RPH3A: variants seen among roughly 807,000 people sequenced by gnomAD.
The protein encoded by RPH3A is rabphilin-3A.
Under a neutral mutation model 102.2 loss-of-function variants are expected in RPH3A, and 48 were observed. The observed-to-expected ratio is 0.47, with a 90% CI of 0.37 to 0.60. RPH3A has a LOEUF of 0.60. Ranked by LOEUF, RPH3A falls within the 20% of genes least tolerant of loss-of-function variation. RPH3A has a pLI of 0.00. For synonymous variants in RPH3A, 310 were observed against 324.3 expected (o/e 0.96, Z 0.47); for missense variants, 781 against 910.1 (o/e 0.86, Z 1.83).
chr12:112,861,367 G>T (rs1156584312), intron 5 of RPH3A, among the ~76,000 whole-genome samples: 1 of 152,204 alleles, frequency 6.6e-6, no homozygotes, highest in African/African-American at 2.4e-5. Flanking sequence ...GCAGTGAGAG[G>T]TAGATGGGCT....
intron 2 of RPH3A, among the ~76,000 whole-genome samples, chr12:112,819,912 T>A (rs1449315975): frequency 6.6e-6 from 1 of 152,246 alleles, no homozygotes; most frequent in Non-Finnish European, 1.5e-5. Flanking sequence ...AGCCTCTGAA[T>A]GCATCACATC....
intron 1 of RPH3A, among the ~76,000 whole-genome samples, chr12:112,708,565 G>C (rs544604866): frequency 1.3e-5 from 2 of 152,200 alleles, no homozygotes; most frequent in Admixed American, 6.5e-5. Context: ...GAGCAAAGCA[G>C]TGGGGTTGTG....
At chr12:112,712,097 A>G (rs1443236530) in intron 1 of RPH3A, among the ~76,000 whole-genome samples, 1 of 152,060 alleles carries the variant, frequency 6.6e-6, no homozygotes, top group African/African-American at 2.4e-5. Context: ...CTCCCAAAGT[A>G]CTGGGATTTC....
At chr12:112,791,502 T>TGCC (rs1395992691), upstream of RPH3A, 4 of 151,828 alleles carry the variant, frequency 2.6e-5, no homozygotes, top group Non-Finnish European at 5.9e-5. Flanking sequence ...TTAACTTCTC[T>TGCC]GCCTAGGGGT....
chr12:112,713,023 C>CTCTTCCTCTTCCTCTTCCTCTTCTTCT (rs1473414104), intron 1 of RPH3A, among the ~76,000 whole-genome samples: 2 of 52,816 alleles, frequency 3.8e-5, no homozygotes, highest in African/African-American at 1.1e-4. Flanking sequence ...CTTCCTCTTC[C>CTCTTCCTCTTCCTCTTCCTCTTCTTCT]TCTTCTTCTT....
At chr12:112,875,571 C>G in intron 11 of RPH3A, 108 bp from the exon 12 acceptor site, 1 of 918,022 alleles carries the variant, frequency 1.1e-6, no homozygotes, top group Non-Finnish European at 1.7e-6. Flanking sequence ...GGGTACCTTT[C>G]TGCCTTCGGG....
chr12:112,790,000 A>G (rs185891424), upstream of RPH3A, among the ~76,000 whole-genome samples: 485 of 151,580 alleles, frequency 3.2e-3, 2 homozygotes, highest in African/African-American at 0.01. Flanking sequence ...TCAAGGTTTC[A>G]GTGAGCTATG....
At chr12:112,589,486 G>A (rs1157481794) in intron 1 of RPH3A, among the ~76,000 whole-genome samples, 1 of 152,124 alleles carries the variant, frequency 6.6e-6, no homozygotes, top group Admixed American at 6.5e-5. Flanking sequence ...TGCACTGGCT[G>A]TTCCCTCAGC....
chr12:112,756,343 G>T (rs2040823307), intron 1 of RPH3A, among the ~76,000 whole-genome samples: 1 of 151,984 alleles, frequency 6.6e-6, no homozygotes, highest in South Asian at 2.1e-4. Flanking sequence ...CTCCAAAGTA[G>T]CTGGGATTAC....
At chr12:112,763,754 A>T (rs558227480) in intron 1 of RPH3A, among the ~76,000 whole-genome samples, 2 of 152,310 alleles carry the variant, frequency 1.3e-5, no homozygotes, top group South Asian at 2.1e-4. Context: ...ATAATGAAGC[A>T]TGTCAAACCT....
intron 14 of RPH3A, 115 bp from the exon 15 acceptor site, chr12:112,881,657 G>A (rs527962716): frequency 2.8e-5 from 17 of 617,160 alleles, no homozygotes; most frequent in East Asian, 5.6e-5. Flanking sequence ...GGAGGAGGAA[G>A]CACACAGCGT....
At chr12:112,708,563 C>T (rs767171199) in intron 1 of RPH3A, among the ~76,000 whole-genome samples, 2 of 152,134 alleles carry the variant, frequency 1.3e-5, no homozygotes, top group South Asian at 2.1e-4. Context: ...GGGAGCAAAG[C>T]AGTGGGGTTG....
chr12:112,888,511 C>T (rs527842839), intron 17 of RPH3A, among the ~76,000 whole-genome samples: 3 of 152,312 alleles, frequency 2.0e-5, no homozygotes, highest in South Asian at 2.1e-4. Flanking sequence ...GCCAGACTCT[C>T]GGGTGTGAAT....
intron 1 of RPH3A, among the ~76,000 whole-genome samples, chr12:112,776,395 C>A (rs1305882465): frequency 3.3e-5 from 5 of 152,140 alleles, no homozygotes; most frequent in African/African-American, 1.2e-4. Flanking sequence ...CTGGGAGGAA[C>A]TTGGCTATCT....
At chr12:112,770,006 A>G (rs2040917197) in intron 1 of RPH3A, among the ~76,000 whole-genome samples, 1 of 152,214 alleles carries the variant, frequency 6.6e-6, no homozygotes, top group Non-Finnish European at 1.5e-5. Context: ...CTGTACAGAT[A>G]CTATCAGATT....
intron 2 of RPH3A, among the ~76,000 whole-genome samples, chr12:112,792,961 G>T (rs1442487735): frequency 1.3e-5 from 2 of 151,274 alleles, no homozygotes; most frequent in Non-Finnish European, 2.9e-5. Context: ...GTAAGTGATT[G>T]TATGGGGGAG....
At chr12:112,682,690 C>G (rs926612096) in intron 1 of RPH3A, among the ~76,000 whole-genome samples, 1 of 152,168 alleles carries the variant, frequency 6.6e-6, no homozygotes, top group African/African-American at 2.4e-5. Context: ...GGGAGCCACA[C>G]TTTGACCCAG....
chr12:112,786,426 T>G (rs936355104), intron 1 of RPH3A, among the ~76,000 whole-genome samples: 26 of 152,338 alleles, frequency 1.7e-4, no homozygotes, highest in African/African-American at 6.3e-4. Flanking sequence ...TTTCGTTTAC[T>G]TGTTCTATCT....
intron 1 of RPH3A, among the ~76,000 whole-genome samples, chr12:112,683,675 G>A (rs1030359853): frequency 1.3e-5 from 2 of 152,178 alleles, no homozygotes. Flanking sequence ...TCTCACTGCT[G>A]AGTGGGAAAG....
Sources: allele counts gnomAD v4.1 joint callset (sites outside exome capture counted in the v4.1 genomes callset), GRCh38; gene constraint gnomAD v4.1.1; transcripts MANE v1.5; gene names NCBI Gene and HGNC (gene_info 2026-07-23, HGNC 2026-07-21).